CNTNAP2: variants seen among roughly 807,000 people sequenced by gnomAD.
CNTNAP2 encodes contactin associated protein 2, also known as contactin-associated protein-like 2.
In CNTNAP2, 98 loss-of-function variants were observed where a neutral mutation model predicts 155.2. The observed-to-expected ratio is 0.63, with a 90% CI of 0.54 to 0.75. The LOEUF (loss-of-function observed/expected upper bound fraction) is 0.75. Among genes scored for constraint, CNTNAP2 ranks in the 30% least tolerant of loss-of-function variants. The pLI is 0.00. For synonymous variants in CNTNAP2, 651 were observed against 631.2 expected, an observed-to-expected ratio of 1.03 and a Z score of -0.47; for missense variants, 1,727 against 1,688.1, an observed-to-expected ratio of 1.02 and a Z score of -0.40.
chr7:147,246,106 T>C (rs554310625), intron 8 of CNTNAP2, among the ~76,000 whole-genome samples: 164 of 99,010 alleles, frequency 1.7e-3, no homozygotes, highest in African/African-American at 5.9e-3. Flanking sequence ...TATATATATA[T>C]ACACACATAT....
Position 146,975,515 on chromosome 7 carries a change from C to T in CNTNAP2, c.403-68392C>T, listed in dbSNP as rs577474045. Among the ~76,000 whole-genome samples, 106 of 152,054 alleles carry T rather than the reference C, an allele frequency of 7.0e-4. 1 individual carries two copies. The highest frequency in any genetic ancestry group is 2.3e-3 in the African/African-American group (95 of 41,506). The stretch of plus-strand genomic sequence containing the variant: ...AATAGTGGCTCATGTTTCACAGGCG[C>T]GTAATCCACATCACTGCTGTGCATT... On this transcript the variant is annotated intron_variant, in intron 3 of 23. Coordinates refer to ENST00000361727, the MANE Select transcript of CNTNAP2 (RefSeq NM_014141.6).
chr7:147,246,219 G>A (rs1053702730), intron 8 of CNTNAP2, among the ~76,000 whole-genome samples: 7 of 151,912 alleles, frequency 4.6e-5, no homozygotes, highest in Non-Finnish European at 8.8e-5. Flanking sequence ...GGAGGCCCAG[G>A]GAAGAAAGAC....
intron 1 of CNTNAP2, among the ~76,000 whole-genome samples, chr7:146,648,179 C>A (rs867437971): frequency 4.6e-5 from 7 of 152,078 alleles, no homozygotes; most frequent in Non-Finnish European, 7.4e-5. Flanking sequence ...TAAATGTAAC[C>A]CTTAATACCT....
chr7:148,337,877 G>T (rs886967), intron 21 of CNTNAP2, among the ~76,000 whole-genome samples: 3 of 152,006 alleles, frequency 2.0e-5, no homozygotes, highest in Non-Finnish European at 2.9e-5. Flanking sequence ...CAATGGGTCA[G>T]GGGGACTTTT....
intron 21 of CNTNAP2, among the ~76,000 whole-genome samples, chr7:148,332,900 T>A (rs964552230): frequency 6.6e-6 from 1 of 152,308 alleles, no homozygotes; most frequent in African/African-American, 2.4e-5. Flanking sequence ...AAACCAAGTA[T>A]AAAATAGGAT....
At chr7:147,983,071 G>T (rs1321158353) in intron 15 of CNTNAP2, among the ~76,000 whole-genome samples, 2 of 150,626 alleles carry the variant, frequency 1.3e-5, no homozygotes, top group African/African-American at 2.4e-5. Flanking sequence ...CAATGCCTCG[G>T]TCTCCACGTT....
intron 1 of CNTNAP2, among the ~76,000 whole-genome samples, chr7:146,426,998 GA>G (rs780076260): frequency 1.3e-5 from 2 of 151,900 alleles, no homozygotes; most frequent in East Asian, 1.9e-4. Context: ...ACTTGTCAAT[GA>G]AAAAAACTGC....
chr7:146,933,017 G>A (rs1211802493), intron 3 of CNTNAP2, among the ~76,000 whole-genome samples: 1 of 152,048 alleles, frequency 6.6e-6, no homozygotes, highest in African/African-American at 2.4e-5. Context: ...ACTGCCCAAG[G>A]TAATTTATAG....
chr7:147,325,358 T>G (rs2116829364), intron 9 of CNTNAP2, among the ~76,000 whole-genome samples: 1 of 152,218 alleles, frequency 6.6e-6, no homozygotes, highest in Non-Finnish European at 1.5e-5. Context: ...TAAACACAAC[T>G]TATTTATAGT....
intron 1 of CNTNAP2, among the ~76,000 whole-genome samples, chr7:146,520,131 C>A (rs1797596686): frequency 6.6e-6 from 1 of 151,188 alleles, no homozygotes; most frequent in South Asian, 2.1e-4. Flanking sequence ...CCAATTTCTA[C>A]AATGACCCAA....
intron 4 of CNTNAP2, among the ~76,000 whole-genome samples, chr7:147,045,480 T>C (rs868457796): frequency 1.3e-5 from 2 of 152,310 alleles, no homozygotes; most frequent in South Asian, 4.1e-4. Context: ...ATGGAGGTCA[T>C]TTAAAAATTC....
rs142010154 is a variant in CNTNAP2, at chr7:147,811,526, G to A, written c.2099-92039G>A. ...ATAATATTACCGATGTTTGGCTCATGAAGACTCCCTAGAAGCCCAGTGTCC... is the reference window on the plus strand; with the variant it reads ...ATAATATTACCGATGTTTGGCTCATAAAGACTCCCTAGAAGCCCAGTGTCC... On this transcript the variant is annotated intron_variant, in intron 13 of 23. Transcript: ENST00000361727. 3.0e-3 allele frequency among the ~76,000 whole-genome samples: 463 copies of A among 152,228 alleles called. 5 individuals are homozygous for A. Among genetic ancestry groups the A allele is most frequent in the African/African-American group, 0.011 (439 of 41,538 alleles).
chr7:146,572,349 T>C lies in CNTNAP2; in HGVS notation c.98-201922T>C, dbSNP rs1266450893. On this transcript the variant is annotated intron_variant, in intron 1 of 23. Transcript: ENST00000361727. Reference sequence around the variant, plus strand: ...CCCTGGGAAAGAAAGCAATGCCTCCTGAGTTTGAAGACTGGGTCTCCTATC... The same window carrying C: ...CCCTGGGAAAGAAAGCAATGCCTCCCGAGTTTGAAGACTGGGTCTCCTATC... 2.6e-5 allele frequency among the ~76,000 whole-genome samples: 4 copies of C among 150,958 alleles called. No homozygotes were observed. The Admixed American group carries it at 2.7e-4, about 10-fold the overall frequency.
At chr7:146,855,430 C>T (rs1794954941) in intron 3 of CNTNAP2, among the ~76,000 whole-genome samples, 1 of 151,984 alleles carries the variant, frequency 6.6e-6, no homozygotes, top group African/African-American at 2.4e-5. Context: ...TGGAAACTAT[C>T]TTTATGATCA....
intron 1 of CNTNAP2, among the ~76,000 whole-genome samples, chr7:146,665,989 T>C (rs919602444): frequency 6.6e-6 from 1 of 152,004 alleles, no homozygotes; most frequent in Non-Finnish European, 1.5e-5. Context: ...CATTACATTA[T>C]GTTGGGAACA....
chr7:147,389,824 T>C (rs996709718), intron 9 of CNTNAP2, among the ~76,000 whole-genome samples: 1 of 152,212 alleles, frequency 6.6e-6, no homozygotes, highest in Admixed American at 6.5e-5. Context: ...TATTCCAAAT[T>C]CATAGAAATT....
At chr7:148,356,675 T>A (rs1164069319) in intron 21 of CNTNAP2, among the ~76,000 whole-genome samples, 2 of 152,174 alleles carry the variant, frequency 1.3e-5, no homozygotes, top group African/African-American at 4.8e-5. Context: ...TTGCCAAACA[T>A]GGACAAAGAG....
chr7:146,426,680 T>C (rs1224785193), intron 1 of CNTNAP2, among the ~76,000 whole-genome samples: 1 of 146,290 alleles, frequency 6.8e-6, no homozygotes, highest in East Asian at 2.0e-4. Flanking sequence ...AGTAAAATGC[T>C]AGTTGCCAGA....
chr7:147,336,596 C>G (rs1795668538), intron 9 of CNTNAP2, among the ~76,000 whole-genome samples: 1 of 152,052 alleles, frequency 6.6e-6, no homozygotes, highest in Non-Finnish European at 1.5e-5. Context: ...ATCTTGGAAT[C>G]CTTCTAGGAT....
Sources: gnomAD v4.1 joint callset for allele counts (sites outside exome capture counted in the v4.1 genomes callset) on GRCh38, gnomAD v4.1.1 for gene constraint, MANE v1.5 for transcripts, NCBI Gene and HGNC (gene_info 2026-07-23, HGNC 2026-07-21) for gene names.